Variants in STPG2 observed in about 807,000 individuals in gnomAD.
STPG2 encodes sperm-tail PG-rich repeat-containing protein 2.
In STPG2, 56 loss-of-function variants were observed where a neutral mutation model predicts 54.2. The ratio of observed to expected loss-of-function variants is 1.03; its 90% CI spans 0.83 to 1.29. STPG2 has a LOEUF of 1.29. STPG2 is among the 50% of genes most tolerant of loss of function. The pLI is 0.00. For missense variants in STPG2, 596 were observed against 544.9 expected (o/e 1.09, Z -0.93); for synonymous variants, 200 against 181.8 (o/e 1.10, Z -0.81).
intron 4 of STPG2, among the ~76,000 whole-genome samples, chr4:97,528,813 T>C (rs1046225184): frequency 1.3e-5 from 2 of 152,172 alleles, no homozygotes; most frequent in Non-Finnish European, 2.9e-5. Context: ...CTATTATTGG[T>C]GTATAGGAAT....
At chr4:97,953,505 C>T (rs1046117767) in intron 7 of STPG2, among the ~76,000 whole-genome samples, 4 of 152,198 alleles carry the variant, frequency 2.6e-5, no homozygotes, top group Admixed American at 1.3e-4. Context: ...CACTTCCCAC[C>T]TTCTCCCTGC....
At chr4:97,887,772 C>T (rs940958917) in intron 8 of STPG2, among the ~76,000 whole-genome samples, 2 of 152,170 alleles carry the variant, frequency 1.3e-5, no homozygotes, top group Non-Finnish European at 2.9e-5. Flanking sequence ...GAAAATAAGA[C>T]TTCTAAGGAA....
chr4:98,142,953 C>T (rs1303764564), intron 1 of STPG2, 89 bp downstream of exon 1: 3 of 1,108,658 alleles, frequency 2.7e-6, no homozygotes, highest in African/African-American at 3.1e-5. Flanking sequence ...TACTATTCCG[C>T]TCTATGTTTA....
At chr4:97,967,903 A>T (rs1330399808) in intron 7 of STPG2, among the ~76,000 whole-genome samples, 1 of 152,210 alleles carries the variant, frequency 6.6e-6, no homozygotes, top group Non-Finnish European at 1.5e-5. Flanking sequence ...CACAAGAGAA[A>T]GCAGAAAAGA....
chr4:97,954,512 T>C (rs1733594581), intron 7 of STPG2, among the ~76,000 whole-genome samples: 1 of 152,106 alleles, frequency 6.6e-6, no homozygotes, highest in Non-Finnish European at 1.5e-5. Context: ...AGTGTGAAGC[T>C]AAAAATCTAA....
intron 5 of STPG2, among the ~76,000 whole-genome samples, chr4:98,002,362 T>A (rs1207011757): frequency 6.6e-6 from 1 of 152,086 alleles, no homozygotes; most frequent in Non-Finnish European, 1.5e-5. Flanking sequence ...TTATAAAACA[T>A]AATACCTAAC....
chr4:97,913,741 G>C (rs566605863), intron 8 of STPG2, among the ~76,000 whole-genome samples: 51 of 152,064 alleles, frequency 3.4e-4, no homozygotes, highest in African/African-American at 1.2e-3. Flanking sequence ...GAATCAATAG[G>C]TTTCAAATTT....
intron 4 of STPG2, among the ~76,000 whole-genome samples, chr4:97,460,795 A>G (rs1729643880): frequency 6.6e-6 from 1 of 152,190 alleles, no homozygotes; most frequent in African/African-American, 2.4e-5. Flanking sequence ...CAATAGCCAC[A>G]AGAAACTTGA....
intron 4 of STPG2, among the ~76,000 whole-genome samples, chr4:97,517,735 T>C (rs1328819544): frequency 2.0e-5 from 3 of 152,126 alleles, no homozygotes; most frequent in Non-Finnish European, 4.4e-5. Flanking sequence ...AGCTATTGAT[T>C]TGACAAACCA....
chr4:97,548,255 C>CT (rs1280617113), intron 4 of STPG2, among the ~76,000 whole-genome samples: 2 of 152,122 alleles, frequency 1.3e-5, no homozygotes, highest in African/African-American at 2.4e-5. Context: ...GAGATATCAA[C>CT]TTTTTTAGTA....
At chr4:98,017,993 A>T (rs1736024814) in intron 5 of STPG2, among the ~76,000 whole-genome samples, 2 of 151,774 alleles carry the variant, frequency 1.3e-5, no homozygotes, top group Admixed American at 6.6e-5. Context: ...GAGTCAGTTA[A>T]ACTTCTTTTC....
chr4:98,142,952 G>T, intron 1 of STPG2, 90 bp downstream of exon 1: 1 of 1,086,962 alleles, frequency 9.2e-7, no homozygotes, highest in Non-Finnish European at 1.4e-6. Flanking sequence ...GTACTATTCC[G>T]CTCTATGTTT....
intron 5 of STPG2, among the ~76,000 whole-genome samples, chr4:97,985,942 GCACA>G (rs577982277): frequency 3.7e-4 from 53 of 142,408 alleles, no homozygotes; most frequent in Non-Finnish European, 7.0e-4. Context: ...GCACGTGAGC[GCACA>G]CAAACACACA....
At chr4:97,503,016 T>A (rs1578347433) in intron 4 of STPG2, among the ~76,000 whole-genome samples, 1 of 152,028 alleles carries the variant, frequency 6.6e-6, no homozygotes, top group African/African-American at 2.4e-5. Flanking sequence ...ATTTATAAAG[T>A]AATCATTTAT....
rs140683293 is a variant in STPG2 at position 97,772,292 on chromosome 4, A to G, written c.1205-59478T>C. Among the ~76,000 whole-genome samples, 95 of 152,340 alleles carry G rather than the reference A, an allele frequency of 6.2e-4. No individual in the cohort carries two copies. In the East Asian group the frequency reaches 8.5e-3, roughly 14 times the overall value. On this transcript the variant is annotated intron_variant, in intron 9 of 10. Coordinates refer to ENST00000295268, the MANE Select transcript of STPG2 (RefSeq NM_174952.3). ...TTTAGTAAAATTCACTATGTGTAACATATGTTGAAATCGTATCAATCAAAA... is the reference window on the plus strand; with the variant it reads ...TTTAGTAAAATTCACTATGTGTAACGTATGTTGAAATCGTATCAATCAAAA...
intron 4 of STPG2, among the ~76,000 whole-genome samples, chr4:97,466,839 C>G (rs545159035): frequency 6.6e-6 from 1 of 151,924 alleles, no homozygotes; most frequent in South Asian, 2.1e-4. Flanking sequence ...AAAACTAGAT[C>G]ATAGATTATT....
chr4:97,808,568 G>A (rs1727641953), intron 9 of STPG2, among the ~76,000 whole-genome samples: 1 of 151,472 alleles, frequency 6.6e-6, no homozygotes, highest in Non-Finnish European at 1.5e-5. Flanking sequence ...ATAGGCAGGT[G>A]AGAGGAAATA....
chr4:97,983,742 T>C (rs1350078195), intron 5 of STPG2, among the ~76,000 whole-genome samples: 1 of 152,216 alleles, frequency 6.6e-6, no homozygotes, highest in East Asian at 1.9e-4. Context: ...TGTCCCTTGC[T>C]ACTGGGGTAT....
intron 8 of STPG2, among the ~76,000 whole-genome samples, chr4:97,943,087 T>C (rs1291353861): frequency 6.6e-6 from 1 of 152,142 alleles, no homozygotes; most frequent in African/African-American, 2.4e-5. Context: ...GAGGCCCTGC[T>C]TCCTCATAGA....
Sources: allele counts gnomAD v4.1 joint callset (sites outside exome capture counted in the v4.1 genomes callset), GRCh38; gene constraint gnomAD v4.1.1; transcripts MANE v1.5; gene names NCBI Gene and HGNC (gene_info 2026-07-23, HGNC 2026-07-21).